Variants in CTXN3 observed in about 807,000 individuals in gnomAD.
CTXN3 encodes cortexin 3.
Under a neutral mutation model 5.0 loss-of-function variants are expected in CTXN3, and 4 were observed. The observed-to-expected ratio is 0.79, with a 90% CI of 0.39 to 1.82. The LOEUF is 1.82. CTXN3 is among the 40% of genes most tolerant of loss of function. The pLI is 0.04. For synonymous variants in CTXN3, 48 were observed against 38.6 expected, an observed-to-expected ratio of 1.24 and a Z score of -0.91; for missense variants, 89 against 99.7, an observed-to-expected ratio of 0.89 and a Z score of 0.46.
At chr5:127,653,540 C>T (rs972414773) in intron 2 of CTXN3, 117 bp downstream of exon 2, 1 of 152,116 alleles carries the variant, frequency 6.6e-6, no homozygotes, top group African/African-American at 2.4e-5. Context: ...TTTCCCTGGT[C>T]ATCTAAAAGA....
chr5:127,657,670 G>A lies in CTXN3; in HGVS notation c.149G>A (p.Arg50Gln), dbSNP rs780758497. The A allele has an allele frequency of 8.7e-5, 140 of 1,614,052 alleles. No individual in the cohort carries two copies. The highest frequency in any genetic ancestry group is 1.0e-4 in the Non-Finnish European group (122 of 1,180,040). Residue 50 changes from arginine to glutamine, a missense_variant, in exon 3 of 3, where the codon CGG becomes CAG. Arg to Gln is a conservative substitution (Grantham distance 43, BLOSUM62 1). Coordinates refer to ENST00000379445, the MANE Select transcript of CTXN3 (RefSeq NM_001048252.3). ...FLGILIVRCFRILLDPYRSMP... is the reference protein window; with the variant it reads ...FLGILIVRCFQILLDPYRSMP... Reference sequence around the variant, plus strand: ...GGCATTCTCATTGTCCGGTGCTTCCGGATTCTTTTGGATCCATATCGAAGC... The same window carrying A: ...GGCATTCTCATTGTCCGGTGCTTCCAGATTCTTTTGGATCCATATCGAAGC...
chr5:127,651,100 T>C (rs569058036), intron 1 of CTXN3, among the ~76,000 whole-genome samples: 2 of 152,292 alleles, frequency 1.3e-5, no homozygotes, highest in Admixed American at 6.5e-5. Flanking sequence ...GGCAATTCCG[T>C]TCCTGTTAAA....
In CTXN3 at chr5:127,656,628, C is replaced by T. The variant is rs145729154; in HGVS notation, c.-99-795C>T. On this transcript the variant is annotated intron_variant, in intron 2 of 2. Transcript: ENST00000379445. ...ATAGTTTGGGAGACTGAGATACCTC[C>T]GTTCTCCCTTGGCTCAGGCAGTAGA... 1.6e-3 allele frequency among the ~76,000 whole-genome samples: 251 copies of T among 152,280 alleles called. 2 individuals carry two copies. The East Asian group carries it at 0.02, about 12-fold the overall frequency.
intron 2 of CTXN3, among the ~76,000 whole-genome samples, chr5:127,655,305 G>A (rs1976721): frequency 0.086 from 13,106 of 152,124 alleles, 1,453 homozygotes; most frequent in African/African-American, 0.26. Flanking sequence ...TACCTGTCTC[G>A]GCTTTGTTGA....
In CTXN3 at chr5:127,649,648, C is replaced by CT. The variant is rs530717129; in HGVS notation, c.-207+268dup. Among the ~76,000 whole-genome samples the CT allele has an allele frequency of 2.9e-3, 446 of 151,728 alleles. 1 individual carries two copies. The highest frequency in any genetic ancestry group is 0.01 in the African/African-American group (417 of 41,392). ...CTGGATGAAGAAGTAGTAAAACAGGCTTTTTTTTCTTTCCTAAGCTGCAGT... is the reference window on the plus strand; with the variant it reads ...CTGGATGAAGAAGTAGTAAAACAGGCTTTTTTTTTCTTTCCTAAGCTGCAGT... On this transcript the variant is annotated intron_variant, in intron 1 of 2. Transcript: ENST00000379445.
In CTXN3 at chr5:127,655,908, C is replaced by T. The variant is rs115500528; in HGVS notation, c.-99-1515C>T. Reference sequence around the variant, plus strand: ...GACTGGTAACTCCTTCCTCCCAGATCCTGGCTGGGATCCCCCTTATAAATT... The same window carrying T: ...GACTGGTAACTCCTTCCTCCCAGATTCTGGCTGGGATCCCCCTTATAAATT... On this transcript the variant is annotated intron_variant, in intron 2 of 2. Coordinates refer to ENST00000379445, the MANE Select transcript of CTXN3 (RefSeq NM_001048252.3). Among the ~76,000 whole-genome samples, 1,328 of 152,290 alleles carry T rather than the reference C, an allele frequency of 8.7e-3. 17 individuals carry two copies. The highest frequency in any genetic ancestry group is 0.029 in the African/African-American group (1,221 of 41,542).
rs1749958485 is a variant in CTXN3, at chr5:127,658,122, A to T, written c.*355A>T. 6 of 250,348 alleles carry T rather than the reference A, an allele frequency of 2.4e-5. No individual in the cohort carries two copies. The allele number at this position is 250,348 out of a possible 1,614,324, so 15.5% of individuals were successfully genotyped here. A position where few individuals can be genotyped will look rare whatever the true frequency, so the allele number is the denominator to read the frequency against. On this transcript the variant is annotated 3_prime_UTR_variant, in exon 3 of 3. Coordinates refer to ENST00000379445, the MANE Select transcript of CTXN3 (RefSeq NM_001048252.3). ...AATAAAAGACTAGAAAGGATCTCAT[A>T]TGAATCTGGTGACAAGGCCAGGAAG... is the stretch of plus-strand genomic sequence containing the variant.
At chr5:127,652,580 C>T (rs777463839) in intron 1 of CTXN3, among the ~76,000 whole-genome samples, 6 of 151,902 alleles carry the variant, frequency 3.9e-5, no homozygotes, top group Admixed American at 6.6e-5. Context: ...AAGGCCCCAC[C>T]GAGAAGTGGG....
intron 2 of CTXN3, among the ~76,000 whole-genome samples, chr5:127,654,383 A>G (rs930073362): frequency 6.6e-6 from 1 of 152,304 alleles, no homozygotes; most frequent in East Asian, 1.9e-4. Context: ...TTTCCTTTGT[A>G]CCTTGCCTTT....
In CTXN3 at chr5:127,658,126, A is replaced by C; in HGVS notation, c.*359A>C. 4.1e-6 allele frequency: 1 copy of C among 243,324 alleles called. No homozygotes were observed. Among genetic ancestry groups the C allele is most frequent in the Non-Finnish European group, 8.7e-6 (1 of 115,458 alleles). 15.1% of individuals were successfully genotyped at this position (243,324 alleles called of 1,614,324 possible). A position where few individuals can be genotyped will look rare whatever the true frequency, so the allele number is the denominator to read the frequency against. On this transcript the variant is annotated 3_prime_UTR_variant, in exon 3 of 3. Coordinates refer to ENST00000379445, the MANE Select transcript of CTXN3 (RefSeq NM_001048252.3). ...AAAGACTAGAAAGGATCTCATATGA[A>C]TCTGGTGACAAGGCCAGGAAGAGAT...
intron 1 of CTXN3, among the ~76,000 whole-genome samples, chr5:127,650,744 T>C (rs1412145854): frequency 6.6e-6 from 1 of 152,240 alleles, no homozygotes; most frequent in Non-Finnish European, 1.5e-5. Context: ...GGTGATTCTG[T>C]TGCTTAGATA....
chr5:127,651,664 C>A (rs368270654), intron 1 of CTXN3: 2 of 151,980 alleles, frequency 1.3e-5, no homozygotes, highest in Admixed American at 1.3e-4. Flanking sequence ...CCACTATGTG[C>A]CAGGCAGGAC....
Position 127,649,162 on chromosome 5 carries a change from GC to G in CTXN3, c.-431del, listed in dbSNP as rs1486332683. 6.6e-6 allele frequency: 1 copy of G among 152,196 alleles called. No individual in the cohort carries two copies. The highest frequency in any genetic ancestry group is 6.5e-5 in the Admixed American group (1 of 15,280). The allele number at this position is 152,196 out of a possible 1,614,324, so 9.4% of individuals were successfully genotyped here. ...AGCAGCAGTATTGGCCGTTAATGAT[GC>G]CTCACACAGAAAGACGATGCTCCTT... On this transcript the variant is annotated 5_prime_UTR_variant, in exon 1 of 3. It removes the in-frame stop codon of an upstream open reading frame in the 5' UTR. Coordinates refer to ENST00000379445, the MANE Select transcript of CTXN3 (RefSeq NM_001048252.3).
chr5:127,657,557 G>C lies in CTXN3; in HGVS notation c.36G>C (p.Val12=), dbSNP rs45074. The C allele has an allele frequency of 0.67, 1,072,856 of 1,613,238 alleles. 358,455 individuals carry two copies. Among genetic ancestry groups the C allele is most frequent in the African/African-American group, 0.76 (57,143 of 74,976 alleles). ...GACAGCCCATCCCCTCATCCCTAGT[G>C]CCCCTTGGGAACGAATCAGCAGATT... The part of the protein sequence containing the change: ...DGGQPIPSSL[V]PLGNESADSS... Residue 12 remains valine (V), a synonymous_variant, in exon 3 of 3, where the codon GTG becomes GTC. Coordinates refer to ENST00000379445, the MANE Select transcript of CTXN3 (RefSeq NM_001048252.3).
chr5:127,651,351 A>G (rs1003995108), intron 1 of CTXN3, among the ~76,000 whole-genome samples: 2 of 152,100 alleles, frequency 1.3e-5, no homozygotes, highest in African/African-American at 4.8e-5. Flanking sequence ...GTTTAGGAAT[A>G]TTTAAAATAC....
At chr5:127,652,813 A>C (rs1424431942) in intron 1 of CTXN3, among the ~76,000 whole-genome samples, 2 of 152,356 alleles carry the variant, frequency 1.3e-5, no homozygotes, top group Non-Finnish European at 2.9e-5. Flanking sequence ...AGACTCAGTT[A>C]CACGGAAGTT....
At chr5:127,653,672 A>G (rs1749842392) in intron 2 of CTXN3, 1 of 152,234 alleles carries the variant, frequency 6.6e-6, no homozygotes, top group South Asian at 2.1e-4. Context: ...ATATTTTTGT[A>G]TTGTGGTAGC....
At chr5:127,651,483 G>A (rs953299703) in intron 1 of CTXN3, among the ~76,000 whole-genome samples, 3 of 152,114 alleles carry the variant, frequency 2.0e-5, no homozygotes, top group African/African-American at 2.4e-5. Flanking sequence ...GGGGTGGTAG[G>A]GGGTGGTGCT....
chr5:127,653,319 T>C lies in CTXN3; in HGVS notation c.-204T>C, dbSNP rs1252394156. Reference sequence around the variant, plus strand: ...TAAGGTTTTCTTTAATTTTTCAGTATTAAAATTAGACTCTATTTCCTGAGC... The same window carrying C: ...TAAGGTTTTCTTTAATTTTTCAGTACTAAAATTAGACTCTATTTCCTGAGC... On this transcript the variant is annotated splice_region_variant and 5_prime_UTR_variant, in exon 2 of 3. Transcript: ENST00000379445. The C allele has an allele frequency of 6.6e-6, 1 of 152,196 alleles. No homozygotes were observed. The highest frequency in any genetic ancestry group is 1.5e-5 in the Non-Finnish European group (1 of 68,040). 9.4% of individuals were successfully genotyped at this position (152,196 alleles called of 1,614,324 possible).
Sources: gnomAD v4.1 joint callset for allele counts (sites outside exome capture counted in the v4.1 genomes callset) on GRCh38, gnomAD v4.1.1 for gene constraint, MANE v1.5 for transcripts, NCBI Gene and HGNC (gene_info 2026-07-23, HGNC 2026-07-21) for gene names.